The following EPHA6 variants were observed in gnomAD, a reference collection of about 807,000 sequenced individuals.
The protein encoded by EPHA6 is ephrin type-A receptor 6.
A neutral mutation model predicts 112.0 loss-of-function variants in EPHA6; 50 were observed. The ratio of observed to expected loss-of-function variants is 0.45; its 90% CI spans 0.36 to 0.56. The LOEUF (loss-of-function observed/expected upper bound fraction) is 0.56, where lower values mean the gene tolerates loss of function less well. EPHA6 is among the 20% of genes least tolerant of loss of function. The pLI, the probability that EPHA6 is intolerant of heterozygous loss-of-function variation, is 0.00. For synonymous variants in EPHA6, 529 were observed against 490.7 expected, an observed-to-expected ratio of 1.08 and a Z score of -1.03; for missense variants, 1,280 against 1,417.4, an observed-to-expected ratio of 0.90 and a Z score of 1.56.
At chr3:97,511,935 G>A (rs2092371324) in intron 10 of EPHA6, among the ~76,000 whole-genome samples, 1 of 151,756 alleles carries the variant, frequency 6.6e-6, no homozygotes, top group African/African-American at 2.4e-5. Context: ...TTAATTTGTG[G>A]AATTATTTCC....
At chr3:97,127,974 G>C (rs1480648813) in intron 3 of EPHA6, among the ~76,000 whole-genome samples, 1 of 151,832 alleles carries the variant, frequency 6.6e-6, no homozygotes, top group Non-Finnish European at 1.5e-5. Flanking sequence ...CCTGAGTAGT[G>C]TGCCCTGTAC....
intron 3 of EPHA6, among the ~76,000 whole-genome samples, chr3:97,088,890 G>A (rs921115025): frequency 6.6e-6 from 1 of 152,122 alleles, no homozygotes; most frequent in Non-Finnish European, 1.5e-5. Context: ...GCAGAATCTA[G>A]GTGTGATACT....
intron 2 of EPHA6, among the ~76,000 whole-genome samples, chr3:96,905,395 A>G (rs1229386830): frequency 2.0e-5 from 3 of 151,958 alleles, no homozygotes; most frequent in Non-Finnish European, 2.9e-5. Flanking sequence ...TAGTCTTATT[A>G]TGGAATTTTT....
At chr3:96,819,800 T>A (rs61138059) in intron 1 of EPHA6, among the ~76,000 whole-genome samples, 11,798 of 152,188 alleles carry the variant, frequency 0.078, 835 homozygotes, top group Admixed American at 0.22. Context: ...TATTGAGTAT[T>A]GTGTTTTGTA....
At chr3:97,380,231 A>G (rs541251833) in intron 5 of EPHA6, among the ~76,000 whole-genome samples, 37 of 152,356 alleles carry the variant, frequency 2.4e-4, no homozygotes, top group African/African-American at 8.4e-4. Flanking sequence ...TTTATTCAAC[A>G]CAAGGATATT....
intron 5 of EPHA6, among the ~76,000 whole-genome samples, chr3:97,369,540 C>A (rs751264258): frequency 6.6e-6 from 1 of 152,078 alleles, no homozygotes; most frequent in Non-Finnish European, 1.5e-5. Context: ...CAGATACTGG[C>A]GTGGGGAAAG....
intron 5 of EPHA6, among the ~76,000 whole-genome samples, chr3:97,292,750 C>T (rs2080734334): frequency 6.6e-6 from 1 of 151,842 alleles, no homozygotes; most frequent in East Asian, 2.0e-4. Context: ...TCTGGGTGAG[C>T]ATCCAGCTCT....
chr3:97,284,051 T>G (rs2080380702), intron 5 of EPHA6, among the ~76,000 whole-genome samples: 1 of 152,182 alleles, frequency 6.6e-6, no homozygotes, highest in Admixed American at 6.5e-5. Flanking sequence ...TTCTGTTACC[T>G]TTTGCTTAAC....
At chr3:97,252,543 G>A (rs2079173078) in intron 5 of EPHA6, among the ~76,000 whole-genome samples, 2 of 152,238 alleles carry the variant, frequency 1.3e-5, no homozygotes, top group Admixed American at 1.3e-4. Flanking sequence ...GGCAACCCAG[G>A]AATGTGGTCC....
Position 97,733,837 on chromosome 3 carries a change from T to C in EPHA6, c.2935-2088T>C, listed in dbSNP as rs147334860. On this transcript the variant is annotated intron_variant, in intron 15 of 17. Coordinates refer to ENST00000389672, the MANE Select transcript of EPHA6 (RefSeq NM_001080448.3). Reference sequence around the variant, plus strand: ...AAAACATTGAAGTCCAAATAGCAGATGCCATGACAAAAGATAGCATGGTAA... The same window carrying C: ...AAAACATTGAAGTCCAAATAGCAGACGCCATGACAAAAGATAGCATGGTAA... 1.6e-3 allele frequency among the ~76,000 whole-genome samples: 238 copies of C among 152,122 alleles called. 2 individuals carry two copies. The East Asian group carries it at 0.039, about 25-fold the overall frequency.
At chr3:97,110,386 C>T (rs928948118) in intron 3 of EPHA6, among the ~76,000 whole-genome samples, 6 of 152,060 alleles carry the variant, frequency 3.9e-5, no homozygotes, top group East Asian at 1.9e-4. Flanking sequence ...GTGTCTGATT[C>T]ACTTTCATTT....
chr3:97,440,560 C>G (rs1003065823), intron 6 of EPHA6, among the ~76,000 whole-genome samples: 2 of 150,496 alleles, frequency 1.3e-5, no homozygotes, highest in Non-Finnish European at 3.0e-5. Context: ...TTAAAAAAAA[C>G]CCACCACATC....
At chr3:96,849,502 G>T (rs1299903064) in intron 1 of EPHA6, among the ~76,000 whole-genome samples, 1 of 152,134 alleles carries the variant, frequency 6.6e-6, no homozygotes, top group African/African-American at 2.4e-5. Context: ...TTTTATAGTT[G>T]CTTGGTAGAA....
intron 2 of EPHA6, among the ~76,000 whole-genome samples, chr3:96,950,581 T>G (rs955769572): frequency 3.3e-5 from 5 of 152,144 alleles, no homozygotes; most frequent in Non-Finnish European, 7.3e-5. Flanking sequence ...CAATGGAAGT[T>G]GAAGAGAAAT....
intron 10 of EPHA6, among the ~76,000 whole-genome samples, chr3:97,499,054 C>G (rs982163390): frequency 6.6e-6 from 1 of 151,972 alleles, no homozygotes; most frequent in Non-Finnish European, 1.5e-5. Flanking sequence ...AGCTTTAAGT[C>G]AAAATAATGT....
At chr3:97,091,956 G>A (rs977217065) in intron 3 of EPHA6, among the ~76,000 whole-genome samples, 8 of 151,888 alleles carry the variant, frequency 5.3e-5, no homozygotes, top group African/African-American at 1.2e-4. Flanking sequence ...AGGGGTTGGC[G>A]TTGTGGAGGG....
chr3:96,937,377 A>G (rs2040650359), intron 2 of EPHA6, among the ~76,000 whole-genome samples: 2 of 151,976 alleles, frequency 1.3e-5, no homozygotes, highest in South Asian at 4.2e-4. Context: ...GCATTTTTTC[A>G]TGTGTTTTTT....
intron 2 of EPHA6, among the ~76,000 whole-genome samples, chr3:96,872,630 C>G (rs1277803689): frequency 6.6e-6 from 1 of 152,020 alleles, no homozygotes. Context: ...TTTAACAAAT[C>G]TCTAAATACT....
chr3:97,502,790 T>G (rs2092154684), intron 10 of EPHA6, among the ~76,000 whole-genome samples: 2 of 128,818 alleles, frequency 1.6e-5, no homozygotes, highest in African/African-American at 6.1e-5. Context: ...GCCGAGATTG[T>G]GTCATTACGC....
Sources: gnomAD v4.1 joint callset for allele counts (sites outside exome capture counted in the v4.1 genomes callset) on GRCh38, gnomAD v4.1.1 for gene constraint, MANE v1.5 for transcripts, NCBI Gene and HGNC (gene_info 2026-07-23, HGNC 2026-07-21) for gene names.